NRG1: variants seen among roughly 807,000 people sequenced by gnomAD.
The protein encoded by NRG1 is neuregulin 1.
Under a neutral mutation model 63.8 loss-of-function variants are expected in NRG1, and 18 were observed. That is an observed-to-expected ratio of 0.28 (90% CI 0.19 to 0.42). The LOEUF (loss-of-function observed/expected upper bound fraction) is 0.42. NRG1 is among the 10% of genes least tolerant of loss of function. The pLI, the probability that NRG1 is intolerant of heterozygous loss-of-function variation, is 1.00. For missense variants in NRG1, 762 were observed against 814.7 expected, an observed-to-expected ratio of 0.94 and a Z score of 0.79; for synonymous variants, 302 against 301.3, an observed-to-expected ratio of 1.00 and a Z score of -0.02.
chr8:32,699,615 T>C (rs1255231673), intron 5 of NRG1, among the ~76,000 whole-genome samples: 1 of 152,192 alleles, frequency 6.6e-6, no homozygotes, highest in East Asian at 1.9e-4. Context: ...GAGAACAAAA[T>C]TTTCTGCTTT....
At chr8:32,655,397 A>G (rs957113930) in intron 5 of NRG1, among the ~76,000 whole-genome samples, 28 of 152,220 alleles carry the variant, frequency 1.8e-4, no homozygotes, top group African/African-American at 6.8e-4. Context: ...TTACATCCAA[A>G]CAAATGGGGA....
intron 1 of NRG1, among the ~76,000 whole-genome samples, chr8:31,911,318 A>G (rs1832926969): frequency 6.6e-6 from 1 of 152,212 alleles, no homozygotes; most frequent in Non-Finnish European, 1.5e-5. Context: ...AGAACAGCAA[A>G]GATGTGGAAT....
intron 1 of NRG1, among the ~76,000 whole-genome samples, chr8:31,681,734 T>TCA (rs146185342): frequency 2.0e-5 from 3 of 149,446 alleles, no homozygotes; most frequent in Admixed American, 6.7e-5. Context: ...TTATATATAT[T>TCA]CACACACACA....
chr8:32,401,315 C>T (rs1247589911), intron 1 of NRG1, among the ~76,000 whole-genome samples: 1 of 151,980 alleles, frequency 6.6e-6, no homozygotes, highest in Non-Finnish European at 1.5e-5. Flanking sequence ...AAAATAAATA[C>T]ATAAAAATTT....
At chr8:32,574,362 A>G (rs1169818490) in intron 1 of NRG1, among the ~76,000 whole-genome samples, 1 of 152,148 alleles carries the variant, frequency 6.6e-6, no homozygotes. Context: ...TTACCCAAAT[A>G]TATAATTCTA....
chr8:32,496,090 A>T (rs892810191), intron 1 of NRG1, among the ~76,000 whole-genome samples: 3 of 152,198 alleles, frequency 2.0e-5, no homozygotes, highest in Non-Finnish European at 4.4e-5. Flanking sequence ...GCTAGGTAAG[A>T]AGTAAATTGT....
At chr8:32,609,902 C>T (rs1846067687) in intron 3 of NRG1, among the ~76,000 whole-genome samples, 1 of 151,510 alleles carries the variant, frequency 6.6e-6, no homozygotes, top group Non-Finnish European at 1.5e-5. Flanking sequence ...AACTCCTGAC[C>T]TCAAATGATC....
chr8:31,967,605 T>C (rs556838938), intron 1 of NRG1, among the ~76,000 whole-genome samples: 1 of 152,184 alleles, frequency 6.6e-6, no homozygotes, highest in South Asian at 2.1e-4. Flanking sequence ...CAATCAGGCA[T>C]CCAAAATTCC....
chr8:32,620,029 G>T (rs549379954), intron 5 of NRG1, among the ~76,000 whole-genome samples: 1 of 152,128 alleles, frequency 6.6e-6, no homozygotes, highest in Non-Finnish European at 1.5e-5. Flanking sequence ...TGCAGGGAAC[G>T]ACTGTGAGGT....
At chr8:32,233,558 TATATA>T (rs1385329445) in intron 1 of NRG1, among the ~76,000 whole-genome samples, 23 of 65,950 alleles carry the variant, frequency 3.5e-4, no homozygotes, top group African/African-American at 5.6e-4. Flanking sequence ...TATATATATA[TATATA>T]TTTTTTTTTT....
intron 1 of NRG1, among the ~76,000 whole-genome samples, chr8:31,889,670 C>T (rs922630949): frequency 2.0e-5 from 3 of 152,146 alleles, no homozygotes; most frequent in African/African-American, 7.2e-5. Flanking sequence ...TTTCCAACCC[C>T]TTGCATGTCA....
intron 1 of NRG1, among the ~76,000 whole-genome samples, chr8:31,657,138 G>A (rs1322168731): frequency 6.6e-6 from 1 of 152,140 alleles, no homozygotes; most frequent in Non-Finnish European, 1.5e-5. Context: ...AACCACCATG[G>A]GAAGAATGAT....
chr8:32,226,695 A>G (rs1846363796), intron 1 of NRG1, among the ~76,000 whole-genome samples: 1 of 152,190 alleles, frequency 6.6e-6, no homozygotes. Flanking sequence ...GCATTTGATT[A>G]TAAAGCTTTT....
At chr8:32,695,685 T>C (rs781781764) in intron 5 of NRG1, among the ~76,000 whole-genome samples, 3 of 152,174 alleles carry the variant, frequency 2.0e-5, no homozygotes, top group Non-Finnish European at 4.4e-5. Context: ...GTGCCGGGTA[T>C]GTGTGGGTCT....
chr8:32,446,263 A>G (rs1047604287), intron 1 of NRG1, among the ~76,000 whole-genome samples: 1 of 152,198 alleles, frequency 6.6e-6, no homozygotes. Context: ...ATGCATATTC[A>G]GAAGCAGCCG....
chr8:32,147,806 T>G (rs1837048341), intron 1 of NRG1, among the ~76,000 whole-genome samples: 3 of 152,210 alleles, frequency 2.0e-5, no homozygotes, highest in African/African-American at 7.2e-5. Context: ...TAGAGAGGTG[T>G]TCACTGAACT....
At chr8:31,926,584 T>A (rs1331842176) in intron 1 of NRG1, among the ~76,000 whole-genome samples, 1 of 152,124 alleles carries the variant, frequency 6.6e-6, no homozygotes, top group Non-Finnish European at 1.5e-5. Flanking sequence ...TAAAAAGATT[T>A]TTCTGAACAA....
rs115273379 is a variant in NRG1 at position 31,891,268 on chromosome 8, A to T, written c.37+251837A>T. Among the ~76,000 whole-genome samples the T allele has an allele frequency of 4.1e-3, 630 of 152,292 alleles. 7 individuals are homozygous for T. Among genetic ancestry groups the T allele is most frequent in the African/African-American group, 0.014 (601 of 41,562 alleles). On this transcript the variant is annotated intron_variant, in intron 1 of 10. Transcript: ENST00000519301. ...ACCAAATACTTGATCTAGGACTAGT[A>T]ACTCAAAAGTCAACAGTAAAAAATT... is the stretch of plus-strand genomic sequence containing the variant.
intron 1 of NRG1, among the ~76,000 whole-genome samples, chr8:31,788,917 G>A (rs1029763459): frequency 3.9e-5 from 6 of 152,148 alleles, no homozygotes; most frequent in South Asian, 2.1e-4. Context: ...ATGTGGAGGA[G>A]ATTTCTAAAA....
Sources: gnomAD v4.1 joint callset for allele counts (sites outside exome capture counted in the v4.1 genomes callset) on GRCh38, gnomAD v4.1.1 for gene constraint, MANE v1.5 for transcripts, NCBI Gene and HGNC (gene_info 2026-07-23, HGNC 2026-07-21) for gene names.